Variants in ARMC2 observed in about 807,000 individuals in gnomAD.
ARMC2 encodes the protein armadillo repeat containing 2.
ARMC2 carries 67 observed loss-of-function variants against 90.3 expected under a neutral mutation model. The ratio of observed to expected loss-of-function variants is 0.74; its 90% confidence interval spans 0.61 to 0.91. The LOEUF (loss-of-function observed/expected upper bound fraction) is 0.91, where lower values mean the gene tolerates loss of function less well. Among genes scored for constraint, ARMC2 ranks in the 40% least tolerant of loss-of-function variants. The pLI, the probability that ARMC2 is intolerant of heterozygous loss-of-function variation, is 0.00. For synonymous variants in ARMC2, 393 were observed against 393.0 expected (o/e 1.00, Z 0.00); for missense variants, 920 against 1,030.9 (o/e 0.89, Z 1.47).
chr6:108,914,950 A>G (rs1029490523), intron 10 of ARMC2, among the ~76,000 whole-genome samples: 2 of 144,560 alleles, frequency 1.4e-5, no homozygotes, highest in Non-Finnish European at 3.0e-5. Context: ...CTCAGCAGGC[A>G]TTTTTTTTTT....
intron 13 of ARMC2, among the ~76,000 whole-genome samples, chr6:108,958,786 T>G (rs1351084439): frequency 2.0e-5 from 3 of 152,244 alleles, no homozygotes; most frequent in Non-Finnish European, 4.4e-5. Flanking sequence ...TGCACTCATT[T>G]AAGCCCTTGA....
intron 10 of ARMC2, 36 bp downstream of exon 10, chr6:108,912,594 A>T: frequency 2.6e-6 from 4 of 1,547,394 alleles, no homozygotes; most frequent in Non-Finnish European, 3.5e-6. Context: ...GATGTGTAAA[A>T]TTAGTTTTCA....
At chr6:108,880,769 C>T (rs1777450512) in intron 5 of ARMC2, among the ~76,000 whole-genome samples, 1 of 33,438 alleles carries the variant, frequency 3.0e-5, no homozygotes, top group African/African-American at 6.7e-5. Flanking sequence ...CTTTCCGTTC[C>T]CTTCCCTCTC....
chr6:108,940,221 G>A (rs747601998), intron 12 of ARMC2, among the ~76,000 whole-genome samples: 11 of 152,166 alleles, frequency 7.2e-5, no homozygotes, highest in Non-Finnish European at 1.3e-4. Flanking sequence ...AGCCGAGATC[G>A]TGCCACTGCA....
chr6:109,002,246 C>G, the ARMC2 span: 7 of 1,586,976 alleles, frequency 4.4e-6, no homozygotes, highest in Non-Finnish European at 6.1e-6. Context: ...TAAAAGCATA[C>G]AGTTCACTAT....
intron 5 of ARMC2, among the ~76,000 whole-genome samples, chr6:108,883,724 T>G (rs2128446407): frequency 6.6e-6 from 1 of 152,330 alleles, no homozygotes; most frequent in Non-Finnish European, 1.5e-5. Context: ...TTCCTTCAGT[T>G]TCACCTCAAT....
the ARMC2 span, among the ~76,000 whole-genome samples, chr6:109,044,542 AT>A: frequency 1.3e-4 from 20 of 152,134 alleles, no homozygotes; most frequent in African/African-American, 2.6e-4. Context: ...ACTAAAAAAC[AT>A]CTAGAAGAAA....
the ARMC2 span, among the ~76,000 whole-genome samples, chr6:109,030,445 A>G: frequency 6.6e-6 from 1 of 152,190 alleles, no homozygotes; most frequent in Non-Finnish European, 1.5e-5. Context: ...ACAGTAGAAG[A>G]TTTATCCAAT....
rs148788881 is a variant in ARMC2, at chr6:108,961,584, T to C, written c.1928T>C (p.Leu643Pro). 18 of 1,609,350 alleles carry C rather than the reference T, an allele frequency of 1.1e-5. No individual in the cohort carries two copies. Among genetic ancestry groups the C allele is most frequent in the Middle Eastern group, 1.7e-4 (1 of 5,934 alleles). ...LLLTTLEYKS[L>P]DDCEELVINA... Reference sequence around the variant, plus strand: ...TACTTCATTTCAGAATACAAGTCACTTGATGATTGTGAGGAGCTGGTGATC... The same window carrying C: ...TACTTCATTTCAGAATACAAGTCACCTGATGATTGTGAGGAGCTGGTGATC... Residue 643 changes from leucine to proline, a missense_variant, in exon 14 of 18, where the codon CTT (leucine) becomes CCT (proline). Coordinates refer to ENST00000392644, the MANE Select transcript of ARMC2 (RefSeq NM_032131.6).
chr6:108,912,539 C>T lies in ARMC2; in HGVS notation c.1331C>T (p.Ser444Leu), dbSNP rs372522517. The T allele has an allele frequency of 1.2e-5, 20 of 1,613,192 alleles. 1 individual carries two copies. The highest frequency in any genetic ancestry group is 6.7e-5 in the East Asian group (3 of 44,888). ...IKKCGTFLPN[S>L]GHLLVQVTAT... The stretch of plus-strand genomic sequence containing the variant: ...AAATGTGGTACATTTTTGCCTAATT[C>T]GGGCCACTTGCTAGTCCAGGTAAGT... The change falls in exon 10 of 18, where the codon TCG becomes TTG. Residue 444 changes from serine (S) to leucine (L), a missense_variant. Coordinates refer to ENST00000392644, the MANE Select transcript of ARMC2 (RefSeq NM_032131.6).
chr6:108,880,411 G>T (rs560926579), intron 5 of ARMC2, among the ~76,000 whole-genome samples: 17 of 152,274 alleles, frequency 1.1e-4, no homozygotes, highest in Admixed American at 1.1e-3. Flanking sequence ...TCCTTCATGG[G>T]ACTTTCACCA....
Position 108,904,375 on chromosome 6 carries a change from C to A in ARMC2, c.993C>A (p.Leu331=). 6.2e-7 allele frequency: 1 copy of A among 1,608,066 alleles called. No individual in the cohort carries two copies. The highest frequency in any genetic ancestry group is 8.5e-7 in the Non-Finnish European group (1 of 1,178,308). ...TAGTTGATGTTGGTTCAGACTCGCT[C>A]AGCCTTAAACTTGCAAAAATAATTC... ...CKLVDVGSDS[L]SLKLAKIILA... is the part of the protein sequence containing the mutation. The change falls in exon 8 of 18, where the codon CTC becomes CTA. Residue 331 remains leucine (L), a synonymous_variant. Transcript: ENST00000392644.
chr6:109,001,198 G>C, the ARMC2 span: 1 of 1,047,728 alleles, frequency 9.5e-7, no homozygotes, highest in Non-Finnish European at 1.4e-6. Context: ...CATAATCTAA[G>C]TATTTATCCC....
At chr6:109,023,986 C>A in the ARMC2 span, among the ~76,000 whole-genome samples, 6 of 152,074 alleles carry the variant, frequency 3.9e-5, no homozygotes, top group South Asian at 1.2e-3. Context: ...CACACACACA[C>A]CCTTAAAATG....
the ARMC2 span, among the ~76,000 whole-genome samples, chr6:108,994,194 G>A: frequency 4.7e-5 from 7 of 147,740 alleles, no homozygotes; most frequent in Non-Finnish European, 1.0e-4. Flanking sequence ...TATGTTAAGT[G>A]ACTAAGCCAA....
chr6:108,979,259 T>C (rs970131534), downstream of ARMC2, among the ~76,000 whole-genome samples: 1 of 152,220 alleles, frequency 6.6e-6, no homozygotes, highest in African/African-American at 2.4e-5. Flanking sequence ...TGAAGCTCAG[T>C]GTGGCTGGAT....
At chr6:109,025,997 A>T in the ARMC2 span, among the ~76,000 whole-genome samples, 1 of 152,090 alleles carries the variant, frequency 6.6e-6, no homozygotes, top group African/African-American at 2.4e-5. Context: ...AGAATAACTT[A>T]AAAAAATTAT....
chr6:108,910,296 T>A (rs1773279971), intron 8 of ARMC2, among the ~76,000 whole-genome samples: 1 of 151,936 alleles, frequency 6.6e-6, no homozygotes. Flanking sequence ...ACAAAAAAAA[T>A]GTTGAAAAAA....
chr6:109,035,042 T>G, the ARMC2 span, among the ~76,000 whole-genome samples: 1 of 152,128 alleles, frequency 6.6e-6, no homozygotes, highest in African/African-American at 2.4e-5. Context: ...TTTCCTCAAC[T>G]TATGGTGAGA....
Sources: gnomAD v4.1 joint callset for allele counts (sites outside exome capture counted in the v4.1 genomes callset) on GRCh38, gnomAD v4.1.1 for gene constraint, MANE v1.5 for transcripts, NCBI Gene and HGNC (gene_info 2026-07-23, HGNC 2026-07-21) for gene names.